Variants in PLCH1 observed in about 807,000 individuals in gnomAD.
PLCH1 encodes 1-phosphatidylinositol 4,5-bisphosphate phosphodiesterase eta-1.
In PLCH1, 60 loss-of-function variants were observed where a neutral mutation model predicts 126.7. The observed-to-expected ratio is 0.47, with a 90% confidence interval of 0.38 to 0.59. The LOEUF (loss-of-function observed/expected upper bound fraction) is 0.59. Among genes scored for constraint, PLCH1 ranks in the 20% least tolerant of loss-of-function variants. The pLI is 0.00. For missense variants in PLCH1, 1,723 were observed against 2,040.0 expected (o/e 0.84, Z 2.99); for synonymous variants, 719 against 734.9 (o/e 0.98, Z 0.35).
At chr3:155,484,617 CT>C (rs764900946) in intron 22 of PLCH1, among the ~76,000 whole-genome samples, 4 of 152,200 alleles carry the variant, frequency 2.6e-5, no homozygotes, top group Non-Finnish European at 4.4e-5. Context: ...AGTTTTGGCG[CT>C]TAAATTTACC....
chr3:155,494,481 C>T lies in PLCH1; in HGVS notation c.1931G>A (p.Arg644Lys). 6.2e-7 allele frequency: 1 copy of T among 1,614,008 alleles called. No individual in the cohort carries two copies. The highest frequency in any genetic ancestry group is 8.5e-7 in the Non-Finnish European group (1 of 1,179,948). The change falls in exon 16 of 23, where the codon AGA (arginine) becomes AAA (lysine). Residue 644 changes from arginine to lysine, a missense_variant. Around this residue, in one of 2 missense-constraint regions of PLCH1, gnomAD observed 776 missense variants for 1,062.9 expected, o/e 0.73. Coordinates refer to ENST00000460012, the MANE Select transcript of PLCH1 (RefSeq NM_014996.4). Reference protein sequence around the residue: ...TGNVLSFSETRAHQVVQQKSE... With the variant: ...TGNVLSFSETKAHQVVQQKSE... ...TTTTTGCTGAACAACCTGATGTGCT[C>T]TTGTTTCACTGAATGATAACACATT...
downstream of PLCH1, among the ~76,000 whole-genome samples, chr3:155,475,346 A>G (rs1275064285): frequency 2.0e-5 from 3 of 152,204 alleles, no homozygotes; most frequent in East Asian, 1.9e-4. Flanking sequence ...GTCTAGAGCT[A>G]TAAGTGCCTA....
intron 15 of PLCH1, among the ~76,000 whole-genome samples, chr3:155,495,185 G>A (rs957111029): frequency 2.6e-5 from 4 of 152,128 alleles, no homozygotes; most frequent in South Asian, 2.1e-4. Context: ...ACCTAGCCAC[G>A]CATATAAACT....
intron 2 of PLCH1, among the ~76,000 whole-genome samples, chr3:155,598,516 C>T (rs531648408): frequency 6.6e-6 from 1 of 152,288 alleles, no homozygotes; most frequent in South Asian, 2.1e-4. Context: ...AGGCACAAGA[C>T]TATTTCATAA....
At chr3:155,664,016 T>G (rs1431578539) in intron 2 of PLCH1, among the ~76,000 whole-genome samples, 1 of 152,232 alleles carries the variant, frequency 6.6e-6, no homozygotes, top group African/African-American at 2.4e-5. Flanking sequence ...TACTCCCTGC[T>G]ATAATCATTC....
intron 2 of PLCH1, among the ~76,000 whole-genome samples, chr3:155,628,635 G>C (rs910728382): frequency 1.4e-5 from 2 of 147,168 alleles, no homozygotes; most frequent in Admixed American, 1.4e-4. Flanking sequence ...AAATAAATTT[G>C]TATGCTTTTC....
At chr3:155,622,026 C>T (rs1736580038) in intron 2 of PLCH1, among the ~76,000 whole-genome samples, 1 of 152,174 alleles carries the variant, frequency 6.6e-6, no homozygotes, top group Non-Finnish European at 1.5e-5. Context: ...AGTCAGGTTA[C>T]CCACAAAGGG....
chr3:155,523,529 TG>T (rs1262844958), intron 11 of PLCH1, among the ~76,000 whole-genome samples: 1 of 151,990 alleles, frequency 6.6e-6, no homozygotes, highest in Non-Finnish European at 1.5e-5. Context: ...ACAGGGAGCA[TG>T]GGGGGCTGCT....
chr3:155,644,938 C>G (rs1214163175), intron 2 of PLCH1, among the ~76,000 whole-genome samples: 1 of 152,128 alleles, frequency 6.6e-6, no homozygotes, highest in Non-Finnish European at 1.5e-5. Context: ...GGGGTTACAG[C>G]AAAATTTCTT....
At chr3:155,488,621 A>T (rs904475042) in intron 20 of PLCH1, 39 bp downstream of exon 20, 4 of 1,530,704 alleles carry the variant, frequency 2.6e-6, no homozygotes, top group Admixed American at 2.1e-5. Context: ...AATAAAAAGG[A>T]ATGGTCAGTC....
intron 2 of PLCH1, among the ~76,000 whole-genome samples, chr3:155,637,147 T>C (rs1383415519): frequency 6.6e-6 from 1 of 152,190 alleles, no homozygotes; most frequent in Non-Finnish European, 1.5e-5. Flanking sequence ...CCCCCCAAAC[T>C]GATTGGACCG....
intron 13 of PLCH1, among the ~76,000 whole-genome samples, chr3:155,502,563 T>A (rs1287607748): frequency 2.0e-5 from 3 of 152,228 alleles, no homozygotes; most frequent in African/African-American, 7.2e-5. Flanking sequence ...CAGTAATAAA[T>A]GTCTTTTTAA....
chr3:155,655,175 C>A (rs1741207306), intron 2 of PLCH1, among the ~76,000 whole-genome samples: 1 of 152,172 alleles, frequency 6.6e-6, no homozygotes, highest in African/African-American at 2.4e-5. Context: ...GTGGCTCATG[C>A]CTGTAATCTC....
At chr3:155,467,601 C>T (rs754403411) in intron 21 of PLCH1, among the ~76,000 whole-genome samples, 12 of 151,594 alleles carry the variant, frequency 7.9e-5, no homozygotes, top group Non-Finnish European at 1.3e-4. Flanking sequence ...CTAAAAGCAG[C>T]AAGAGAAAAT....
chr3:155,544,469 A>G (rs539513652), intron 10 of PLCH1, among the ~76,000 whole-genome samples: 31 of 152,310 alleles, frequency 2.0e-4, no homozygotes, highest in African/African-American at 7.2e-4. Context: ...TCAACATTAG[A>G]CAGATCAACG....
intron 21 of PLCH1, among the ~76,000 whole-genome samples, chr3:155,466,492 T>C (rs550182246): frequency 6.6e-6 from 1 of 152,266 alleles, no homozygotes; most frequent in South Asian, 2.1e-4. Flanking sequence ...TTCTTTCAAA[T>C]ACCTAGAAAA....
chr3:155,594,807 G>C (rs1732746127), intron 3 of PLCH1, among the ~76,000 whole-genome samples: 1 of 152,306 alleles, frequency 6.6e-6, no homozygotes, highest in African/African-American at 2.4e-5. Flanking sequence ...TGGTAGAAAA[G>C]GTGGCAATGA....
At chr3:155,458,482 GA>G in intron 21 of PLCH1, among the ~76,000 whole-genome samples, 1 of 98,912 alleles carries the variant, frequency 1.0e-5, no homozygotes, top group African/African-American at 9.1e-5. Flanking sequence ...AAGAAAGAAA[GA>G]AAGAAAGAAA....
chr3:155,584,969 C>T (rs191558890), intron 5 of PLCH1, among the ~76,000 whole-genome samples: 36 of 152,244 alleles, frequency 2.4e-4, no homozygotes, highest in Non-Finnish European at 5.0e-4. Context: ...TGAGATGACA[C>T]GGAATACCAG....
Sources: allele counts gnomAD v4.1 joint callset (sites outside exome capture counted in the v4.1 genomes callset), GRCh38; gene constraint gnomAD v4.1.1; regional missense constraint gnomAD v4.1.1; transcripts MANE v1.5; gene names NCBI Gene and HGNC (gene_info 2026-07-23, HGNC 2026-07-21).